The following QKI variants were observed in gnomAD, a reference collection of about 807,000 sequenced individuals.
QKI encodes KH domain-containing RNA-binding protein QKI.
QKI carries 10 observed loss-of-function variants against 39.0 expected under a neutral mutation model. The ratio of observed to expected loss-of-function variants is 0.26; its 90% CI spans 0.16 to 0.43. QKI has a LOEUF of 0.43. QKI is among the 20% of genes least tolerant of loss of function. The probability of loss-of-function intolerance (pLI) is 1.00; values close to 1 mark genes in which losing one functional copy is unlikely to be tolerated. For synonymous variants in QKI, 204 were observed against 155.4 expected (o/e 1.31, Z -2.33); for missense variants, 218 against 428.0 (o/e 0.51, Z 4.33).
intron 3 of QKI, among the ~76,000 whole-genome samples, chr6:163,501,217 T>G (rs1778737107): frequency 6.6e-6 from 1 of 151,908 alleles, no homozygotes; most frequent in Non-Finnish European, 1.5e-5. Context: ...CACCCAACAC[T>G]GGCATGGACT....
chr6:163,431,548 T>C (rs79074805), intron 1 of QKI, among the ~76,000 whole-genome samples: 4,245 of 152,216 alleles, frequency 0.028, 196 homozygotes, highest in African/African-American at 0.096. Flanking sequence ...GAGGAATTAG[T>C]AAATTTTGGA....
intron 6 of QKI, chr6:163,564,123 ACTT>A (rs1204440960): frequency 1.9e-6 from 2 of 1,035,974 alleles, no homozygotes; most frequent in East Asian, 1.7e-4. Context: ...AAATTTTTAA[ACTT>A]CTAAGTGAAA....
intron 3 of QKI, among the ~76,000 whole-genome samples, chr6:163,534,620 A>G (rs1420247694): frequency 1.3e-5 from 2 of 152,168 alleles, no homozygotes; most frequent in Non-Finnish European, 2.9e-5. Context: ...ATGTTTCTCA[A>G]AGTGTTTTTC....
intron 1 of QKI, among the ~76,000 whole-genome samples, chr6:163,441,844 T>C (rs1267522952): frequency 6.6e-6 from 1 of 152,056 alleles, no homozygotes; most frequent in Non-Finnish European, 1.5e-5. Context: ...GGAGGTTAGG[T>C]TGGTTAAGGA....
intron 1 of QKI, chr6:163,415,905 G>A (rs776407659): frequency 7.8e-6 from 4 of 513,506 alleles, no homozygotes; most frequent in South Asian, 5.7e-5. Context: ...AGTCAGTGTG[G>A]GGCTCGTTAG....
At chr6:163,565,760 T>A (rs1357247757) in intron 6 of QKI, 2 of 1,270,970 alleles carry the variant, frequency 1.6e-6, no homozygotes, top group African/African-American at 1.5e-5. Context: ...ATTTCTAAGT[T>A]ATAATAAATT....
Position 163,568,970 on chromosome 6 carries a change from T to C in QKI, c.1010-1724T>C, listed in dbSNP as rs1023163801. The C allele has an allele frequency of 1.0e-5, 10 of 986,066 alleles. No individual in the cohort carries two copies. In the East Asian group the frequency reaches 1.1e-3, roughly 111 times the overall value. 61.1% of individuals were successfully genotyped at this position (986,066 alleles called of 1,614,324 possible). On this transcript the variant is annotated intron_variant, in intron 7 of 7. Coordinates refer to ENST00000361752, the MANE Select transcript of QKI (RefSeq NM_006775.3). Reference sequence around the variant, plus strand: ...AATGGTCACTCACTTCGTTTATATATTCCACACTCAGAAAAGAAGTCAGAG... The same window carrying C: ...AATGGTCACTCACTTCGTTTATATACTCCACACTCAGAAAAGAAGTCAGAG...
intron 1 of QKI, among the ~76,000 whole-genome samples, chr6:163,437,982 G>C (rs550859968): frequency 6.6e-6 from 1 of 152,264 alleles, no homozygotes; most frequent in Admixed American, 6.5e-5. Flanking sequence ...TGTACTGTGA[G>C]GTTTGTGTTT....
intron 4 of QKI, 23 bp downstream of exon 4, chr6:163,535,148 T>C (rs774750537): frequency 1.2e-5 from 18 of 1,552,436 alleles, no homozygotes; most frequent in Non-Finnish European, 1.6e-5. Context: ...TTCCAGACCT[T>C]AGATTTGGGC....
intron 2 of QKI, among the ~76,000 whole-genome samples, chr6:163,471,046 T>C (rs1792143755): frequency 6.6e-6 from 1 of 152,142 alleles, no homozygotes; most frequent in African/African-American, 2.4e-5. Context: ...TTTATATTTA[T>C]CATACTTACT....
intron 2 of QKI, among the ~76,000 whole-genome samples, chr6:163,466,241 C>G (rs868852072): frequency 6.6e-6 from 1 of 151,758 alleles, no homozygotes; most frequent in African/African-American, 2.4e-5. Context: ...TAACACTGAT[C>G]AAATAAATTA....
intron 1 of QKI, chr6:163,415,831 C>T (rs1787414795): frequency 6.4e-6 from 3 of 470,896 alleles, no homozygotes; most frequent in South Asian, 1.5e-5. Flanking sequence ...CTCTCCCCTC[C>T]CGTGAGGACT....
chr6:163,566,930 A>G, intron 7 of QKI, 135 bp downstream of exon 7: 3 of 1,445,870 alleles, frequency 2.1e-6, no homozygotes, highest in South Asian at 3.0e-5. Flanking sequence ...TTTGTTTGTG[A>G]TCATTGACAG....
chr6:163,424,923 C>T (rs1254090803), intron 1 of QKI, among the ~76,000 whole-genome samples: 1 of 152,078 alleles, frequency 6.6e-6, no homozygotes, highest in African/African-American at 2.4e-5. Flanking sequence ...TAGCCACTGC[C>T]CCCGGCCTGC....
chr6:163,435,037 A>T lies in QKI; in HGVS notation c.142+19702A>T, dbSNP rs906364112. 1.1e-4 allele frequency among the ~76,000 whole-genome samples: 16 copies of T among 152,320 alleles called. No homozygotes were observed. In the East Asian group the frequency reaches 2.1e-3, roughly 20 times the overall value. ...TCCAACACTTAAAAATGATTTTTTT[A>T]AAAAATTGCAACTTGTGTATATTCT... On this transcript the variant is annotated intron_variant, in intron 1 of 7. Transcript: ENST00000361752.
At chr6:163,474,269 G>C (rs569223900) in intron 2 of QKI, among the ~76,000 whole-genome samples, 23 of 152,232 alleles carry the variant, frequency 1.5e-4, no homozygotes, top group Non-Finnish European at 2.9e-4. Context: ...AACAAGTCAA[G>C]GATGACACAC....
intron 3 of QKI, among the ~76,000 whole-genome samples, chr6:163,492,867 C>T (rs1169870468): frequency 3.3e-5 from 5 of 152,042 alleles, no homozygotes; most frequent in Middle Eastern, 3.4e-3. Flanking sequence ...AGATTTAAGA[C>T]GAGTAAGTAC....
intron 2 of QKI, 39 bp downstream of exon 2, chr6:163,455,460 T>C: frequency 1.9e-6 from 3 of 1,564,210 alleles, no homozygotes; most frequent in Non-Finnish European, 2.6e-6. Context: ...TTTGTTCTGC[T>C]TCACATATGT....
intron 2 of QKI, among the ~76,000 whole-genome samples, chr6:163,465,234 T>C (rs1791647090): frequency 6.6e-6 from 1 of 152,172 alleles, no homozygotes; most frequent in Non-Finnish European, 1.5e-5. Flanking sequence ...TCATACTTAA[T>C]GGTGAAAAGC....
Sources: gnomAD v4.1 joint callset for allele counts (sites outside exome capture counted in the v4.1 genomes callset) on GRCh38, gnomAD v4.1.1 for gene constraint, MANE v1.5 for transcripts, NCBI Gene and HGNC (gene_info 2026-07-23, HGNC 2026-07-21) for gene names.